ARHGAP23: variants seen among roughly 807,000 people sequenced by gnomAD.
ARHGAP23 encodes the protein Rho GTPase activating protein 23, also known as rho GTPase-activating protein 23.
ARHGAP23 carries 34 observed loss-of-function variants against 136.3 expected under a neutral mutation model. The observed-to-expected ratio is 0.25, with a 90% CI of 0.19 to 0.33. The LOEUF is 0.33. Ranked by LOEUF, ARHGAP23 falls within the 10% of genes least tolerant of loss-of-function variation. ARHGAP23 has a pLI of 1.00. For missense variants in ARHGAP23, 1,808 were observed against 2,139.0 expected (o/e 0.85, Z 3.05); for synonymous variants, 832 against 920.5 (o/e 0.90, Z 1.74).
At chr17:38,449,671 CCT>C (rs1023083768) in intron 1 of ARHGAP23, among the ~76,000 whole-genome samples, 10 of 152,226 alleles carry the variant, frequency 6.6e-5, no homozygotes, top group Admixed American at 4.6e-4. Context: ...TGGGATTTGC[CCT>C]GTCTGTGTGC....
intron 12 of ARHGAP23, among the ~76,000 whole-genome samples, chr17:38,478,575 C>T (rs1018736195): frequency 9.2e-5 from 14 of 151,958 alleles, no homozygotes; most frequent in East Asian, 1.9e-4. Flanking sequence ...CCACCATGCC[C>T]GGCTAATTTT....
intron 1 of ARHGAP23, among the ~76,000 whole-genome samples, chr17:38,438,463 G>T (rs2038852711): frequency 1.3e-5 from 2 of 152,094 alleles, no homozygotes; most frequent in South Asian, 4.1e-4. Flanking sequence ...AGGGATTGAT[G>T]AATACAAGGC....
intron 11 of ARHGAP23, among the ~76,000 whole-genome samples, chr17:38,473,740 C>G (rs2039821667): frequency 6.6e-6 from 1 of 151,740 alleles, no homozygotes; most frequent in Non-Finnish European, 1.5e-5. Context: ...GGGTGAGAAG[C>G]CACAAAACTG....
chr17:38,509,981 A>G lies in ARHGAP23; in HGVS notation c.3485A>G (p.Glu1162Gly). The part of the protein sequence containing the change: ...WAPKKEPYAR[E>G]MLAISFISAV... ...CCCAAGAAGGAGCCGTACGCCCGGGAGATGCTGGCGATCTCCTTCATCTCG... is the reference window on the plus strand; with the variant it reads ...CCCAAGAAGGAGCCGTACGCCCGGGGGATGCTGGCGATCTCCTTCATCTCG... Residue 1162 changes from glutamate to glycine, a missense_variant, in exon 24 of 24, where the codon GAG (glutamate) becomes GGG (glycine). Coordinates refer to ENST00000622683, the MANE Select transcript of ARHGAP23 (RefSeq NM_001199417.2). 8.0e-7 allele frequency: 1 copy of G among 1,250,482 alleles called. No homozygotes were observed. Among genetic ancestry groups the G allele is most frequent in the Non-Finnish European group, 1.0e-6 (1 of 992,670 alleles). 77.5% of individuals were successfully genotyped at this position (1,250,482 alleles called of 1,614,324 possible).
At chr17:38,483,318 G>C (rs1340016763) in intron 16 of ARHGAP23, among the ~76,000 whole-genome samples, 1 of 152,244 alleles carries the variant, frequency 6.6e-6, no homozygotes, top group African/African-American at 2.4e-5. Flanking sequence ...GCTGCAACAT[G>C]GAAAGAGAAG....
intron 1 of ARHGAP23, among the ~76,000 whole-genome samples, chr17:38,431,440 T>C (rs1567770959): frequency 6.6e-6 from 1 of 152,122 alleles, no homozygotes; most frequent in Non-Finnish European, 1.5e-5. Context: ...TCTCACCATC[T>C]CGGGAGAGAG....
In ARHGAP23 at chr17:38,469,848, C is replaced by A. The variant is rs901012845; in HGVS notation, c.1918C>A (p.Arg640Ser). 1.4e-5 allele frequency: 21 copies of A among 1,551,552 alleles called. No individual in the cohort carries two copies. Among genetic ancestry groups the A allele is most frequent in the Non-Finnish European group, 1.7e-5 (19 of 1,146,984 alleles). Reference protein sequence around the residue: ...TFRDEGRVLRRLPNRIPSLRM... With the variant: ...TFRDEGRVLRSLPNRIPSLRM... ...TCACCCTCGACCCTCGCTTTCCAGG[C>A]GCCTGCCAAACCGCATACCCAGCCT... The change falls in exon 10 of 24, where the codon CGC becomes AGC. Residue 640 changes from arginine to serine, a missense_variant and splice_region_variant. By Grantham distance (110) the Arg-to-Ser change is moderately radical (BLOSUM62 -1). Transcript: ENST00000622683.
chr17:38,458,061 A>C, intron 1 of ARHGAP23, 41 bp from the exon 2 acceptor site: 2 of 1,534,096 alleles, frequency 1.3e-6, no homozygotes, highest in Non-Finnish European at 1.7e-6. Flanking sequence ...CAGAAGTGTC[A>C]GCCACACGGG....
In ARHGAP23 at chr17:38,462,857, C is replaced by A. The variant is rs923947982; in HGVS notation, c.265C>A (p.Arg89=). ...NGGRGGGPSP[R]YRLEPMDTIF... ...CTGATGCCCACTAGGACCCTCCCCCCGGTACCGCCTGGAGCCCATGGACAC... is the reference window on the plus strand; with the variant it reads ...CTGATGCCCACTAGGACCCTCCCCCAGGTACCGCCTGGAGCCCATGGACAC... The change falls in exon 4 of 24, where the codon CGG becomes AGG. Residue 89 remains arginine (R), a synonymous_variant. Transcript: ENST00000622683. 1.3e-6 allele frequency: 2 copies of A among 1,521,240 alleles called. No homozygotes were observed. The highest frequency in any genetic ancestry group is 1.8e-6 in the Non-Finnish European group (2 of 1,136,578). The allele number at this position is 1,521,240 out of a possible 1,614,324, so 94.2% of individuals were successfully genotyped here. A position where few individuals can be genotyped will look rare whatever the true frequency, so the allele number is the denominator to read the frequency against.
intron 23 of ARHGAP23, among the ~76,000 whole-genome samples, chr17:38,507,712 C>T (rs923491769): frequency 6.6e-6 from 1 of 152,228 alleles, no homozygotes; most frequent in African/African-American, 2.4e-5. Context: ...CCTAGCAGTG[C>T]AACCACATTG....
rs1346243839 is a variant in ARHGAP23, at chr17:38,511,564, C to T, written c.*592C>T. 1.3e-5 allele frequency: 2 copies of T among 152,384 alleles called. No homozygotes were observed. The highest frequency in any genetic ancestry group is 2.9e-5 in the Non-Finnish European group (2 of 68,276). The allele number at this position is 152,384 out of a possible 1,614,324, so 9.4% of individuals were successfully genotyped here. ...CACTTTGCGCCCCCGGGCTCCCTGCCTTTGGTGCACACAGGATCCTGCCCG... is the reference window on the plus strand; with the variant it reads ...CACTTTGCGCCCCCGGGCTCCCTGCTTTTGGTGCACACAGGATCCTGCCCG... On this transcript the variant is annotated 3_prime_UTR_variant, in exon 24 of 24. Transcript: ENST00000622683.
chr17:38,472,080 C>T lies in ARHGAP23; in HGVS notation c.2118+74C>T. 3.7e-6 allele frequency: 5 copies of T among 1,343,642 alleles called. No homozygotes were observed. The South Asian group carries it at 5.9e-5, about 16-fold the overall frequency. The allele number at this position is 1,343,642 out of a possible 1,614,324, so 83.2% of individuals were successfully genotyped here. On this transcript the variant is annotated intron_variant, in intron 11 of 23. Transcript: ENST00000622683. ...CCAGCCTCTCCTAGGCCTACCCTGA[C>T]AGCCTCTGGAGCCAGAGAGAACCAG...
chr17:38,472,119 A>C (rs905090851), intron 11 of ARHGAP23, 113 bp downstream of exon 11: 42 of 1,236,768 alleles, frequency 3.4e-5, no homozygotes, highest in Admixed American at 2.0e-4. Flanking sequence ...AGGTTGTTGC[A>C]TGAAGGATGG....
chr17:38,427,938 C>A (rs1392630150), upstream of ARHGAP23, among the ~76,000 whole-genome samples: 1 of 152,214 alleles, frequency 6.6e-6, no homozygotes, highest in African/African-American at 2.4e-5. Flanking sequence ...GTCTTCCCCC[C>A]TTTCTGATCC....
At chr17:38,425,146 C>T (rs1287393940), upstream of ARHGAP23, among the ~76,000 whole-genome samples, 3 of 152,198 alleles carry the variant, frequency 2.0e-5, no homozygotes, top group African/African-American at 4.8e-5. Context: ...AGCACGGAAG[C>T]GCCTCTGGGC....
intron 4 of ARHGAP23, 80 bp downstream of exon 4, chr17:38,463,021 C>G: frequency 5.2e-6 from 8 of 1,527,744 alleles, no homozygotes; most frequent in Non-Finnish European, 7.1e-6. Context: ...GTTGGGGAGG[C>G]TCCTGTCCCC....
chr17:38,444,588 C>T (rs2038990281), intron 1 of ARHGAP23, among the ~76,000 whole-genome samples: 1 of 152,106 alleles, frequency 6.6e-6, no homozygotes, highest in South Asian at 2.1e-4. Context: ...TGGCAGGCCC[C>T]CATCAACGCC....
chr17:38,427,761 A>G (rs1046433173), upstream of ARHGAP23, among the ~76,000 whole-genome samples: 8 of 152,084 alleles, frequency 5.3e-5, no homozygotes, highest in African/African-American at 7.2e-5. Flanking sequence ...CCTCTCTTCT[A>G]TGCTCGACTC....
At chr17:38,436,530 C>G (rs2038802336) in intron 1 of ARHGAP23, among the ~76,000 whole-genome samples, 1 of 152,226 alleles carries the variant, frequency 6.6e-6, no homozygotes, top group Admixed American at 6.5e-5. Context: ...CGAATCGAAC[C>G]CACTGTCAGT....
Sources: gnomAD v4.1 joint callset for allele counts (sites outside exome capture counted in the v4.1 genomes callset) on GRCh38, gnomAD v4.1.1 for gene constraint, MANE v1.5 for transcripts, NCBI Gene and HGNC (gene_info 2026-07-23, HGNC 2026-07-21) for gene names.